The following MBNL3 variants were observed in gnomAD, a reference collection of about 807,000 sequenced individuals.
MBNL3 encodes muscleblind-like protein 3.
In MBNL3, 6 loss-of-function variants were observed where a neutral mutation model predicts 24.5. That is an observed-to-expected ratio of 0.25 (90% CI 0.13 to 0.48). The LOEUF (loss-of-function observed/expected upper bound fraction) is 0.48. MBNL3 is among the 20% of genes least tolerant of loss of function. The pLI is 0.99. For missense variants in MBNL3, 230 were observed against 293.5 expected, an observed-to-expected ratio of 0.78 and a Z score of 1.58; for synonymous variants, 100 against 101.7, an observed-to-expected ratio of 0.98 and a Z score of 0.10.
intron 3 of MBNL3, among the ~76,000 whole-genome samples, chrX:132,396,494 A>G (rs1603130676): frequency 1.4e-5 from 1 of 73,272 alleles, no homozygotes; most frequent in East Asian, 3.9e-4. Context: ...ATTCCTATAT[A>G]TATTCCTATA....
chrX:132,390,345 A>C (rs1471897322), intron 5 of MBNL3, among the ~76,000 whole-genome samples: 1 of 107,253 alleles, frequency 9.3e-6, no homozygotes, highest in Non-Finnish European at 1.9e-5. Context: ...CAGACTAAGC[A>C]GGCTGCTGTC....
At position 132,397,322 on chromosome X, in the gene MBNL3, A is replaced by G. The variant is rs141826001; in HGVS notation, c.343-4988T>C. On this transcript the variant is annotated intron_variant, in intron 3 of 8. Transcript: ENST00000370853. ...CAGTGACTTAACAGGTTATTTCTCA[A>G]GCTAGTATAAATAAATGAAAATTAA... Among the ~76,000 whole-genome samples, 815 of 111,025 alleles carry G rather than the reference A, an allele frequency of 7.3e-3. 28 individuals are homozygous for G. In the East Asian group the frequency reaches 0.097, roughly 13 times the overall value.
chrX:132,462,524 T>G (rs1248559182), intron 1 of MBNL3, among the ~76,000 whole-genome samples: 2 of 111,782 alleles, frequency 1.8e-5, no homozygotes, highest in Non-Finnish European at 3.8e-5. Flanking sequence ...AAAGCATAAG[T>G]TAGAATGAGT....
chrX:132,388,561 T>C (rs370467908), intron 5 of MBNL3, among the ~76,000 whole-genome samples: 2 of 111,891 alleles, frequency 1.8e-5, no homozygotes, highest in Admixed American at 9.5e-5. Flanking sequence ...GAAACCTAGA[T>C]GAACATTCAA....
intron 5 of MBNL3, among the ~76,000 whole-genome samples, chrX:132,388,975 T>G (rs1427808954): frequency 9.0e-6 from 1 of 111,553 alleles, no homozygotes; most frequent in East Asian, 2.8e-4. Flanking sequence ...AAAAGGGAAT[T>G]TTATATTGAT....
rs1406470075 is a variant in MBNL3, at chrX:132,370,213, A to G, written c.*9453T>C. The G allele has an allele frequency of 8.9e-6, 1 of 111,997 alleles. No homozygotes were observed. Among genetic ancestry groups the G allele is most frequent in the Non-Finnish European group, 1.9e-5 (1 of 53,235 alleles). The allele number at this position is 111,997 out of a possible 1,213,427, so 9.2% of individuals were successfully genotyped here. ...GTAGAAAATCAGAGAATGTGTGTCC[A>G]TCTGTTAAAGTTTAACAAATATAGG... On this transcript the variant is annotated 3_prime_UTR_variant, in exon 9 of 9. Coordinates refer to ENST00000370853, the MANE Select transcript of MBNL3 (RefSeq NM_001386889.1).
At chrX:132,474,066 G>A (rs1323137008) in intron 1 of MBNL3, among the ~76,000 whole-genome samples, 1 of 111,073 alleles carries the variant, frequency 9.0e-6, no homozygotes, top group East Asian at 2.8e-4. Context: ...TGGGAGAAAG[G>A]GGATGGTGAT....
At position 132,382,329 on chromosome X, in the gene MBNL3, A is replaced by G. The variant is rs894708483; in HGVS notation, c.959-57T>C. On this transcript the variant is annotated intron_variant, in intron 7 of 8. Coordinates refer to ENST00000370853, the MANE Select transcript of MBNL3 (RefSeq NM_001386889.1). Reference sequence around the variant, plus strand: ...GGGAGGGTAGAGGATTTATGCAACCATAACATTTACGATGGAATGAGGTGT... The same window carrying G: ...GGGAGGGTAGAGGATTTATGCAACCGTAACATTTACGATGGAATGAGGTGT... 13 of 974,879 alleles carry G rather than the reference A, an allele frequency of 1.3e-5. No individual in the cohort carries two copies. The African/African-American group carries it at 2.5e-4, about 18-fold the overall frequency. The allele number at this position is 974,879 out of a possible 1,213,427, so 80.3% of individuals were successfully genotyped here.
chrX:132,384,014 T>G (rs1935524588), intron 7 of MBNL3, among the ~76,000 whole-genome samples: 1 of 112,254 alleles, frequency 8.9e-6, no homozygotes, highest in African/African-American at 3.2e-5. Flanking sequence ...ATAAAATGGT[T>G]TAGAGATGGC....
At chrX:132,390,821 G>A (rs1162392766) in intron 5 of MBNL3, 26 bp downstream of exon 5, 1 of 1,142,986 alleles carries the variant, frequency 8.7e-7, no homozygotes, top group African/African-American at 1.8e-5. Flanking sequence ...CTCTGAAACA[G>A]GCCACAAGTG....
chrX:132,482,211 A>G (rs1233251415), intron 1 of MBNL3, among the ~76,000 whole-genome samples: 1 of 112,443 alleles, frequency 8.9e-6, no homozygotes, highest in Middle Eastern at 4.2e-3. Context: ...TCAAATAGCT[A>G]GAAGAGAGGA....
intron 1 of MBNL3, among the ~76,000 whole-genome samples, chrX:132,472,275 G>A (rs1947220722): frequency 8.9e-6 from 1 of 111,910 alleles, no homozygotes; most frequent in African/African-American, 3.3e-5. Flanking sequence ...GCTGCACCAG[G>A]AACTGGGGCT....
chrX:132,450,684 T>C (rs1946053250), intron 1 of MBNL3, among the ~76,000 whole-genome samples: 1 of 112,403 alleles, frequency 8.9e-6, no homozygotes, highest in South Asian at 3.7e-4. Context: ...TCAAACTCAT[T>C]CTTCGTCCAG....
chrX:132,429,247 G>A (rs747745605), intron 2 of MBNL3, among the ~76,000 whole-genome samples: 4 of 112,614 alleles, frequency 3.6e-5, no homozygotes, highest in Non-Finnish European at 7.5e-5. Context: ...TATTTCAGCT[G>A]ATCTATGACA....
intron 3 of MBNL3, among the ~76,000 whole-genome samples, chrX:132,398,262 G>C (rs1224220153): frequency 1.8e-5 from 2 of 111,112 alleles, no homozygotes; most frequent in South Asian, 3.8e-4. Flanking sequence ...AAATACAACA[G>C]CAGGCCAGGA....
intron 2 of MBNL3, chrX:132,438,016 G>T (rs898734590): frequency 5.7e-5 from 16 of 281,699 alleles, no homozygotes; most frequent in Admixed American, 2.8e-4. Flanking sequence ...AGTACTACAG[G>T]TTAAGCATCT....
chrX:132,435,993 T>A (rs1945095317), intron 2 of MBNL3, among the ~76,000 whole-genome samples: 1 of 112,429 alleles, frequency 8.9e-6, no homozygotes, highest in Non-Finnish European at 1.9e-5. Context: ...AACTTGGCTA[T>A]GAAAACAATC....
At chrX:132,487,558 G>A (rs892908963) in intron 1 of MBNL3, among the ~76,000 whole-genome samples, 2 of 112,184 alleles carry the variant, frequency 1.8e-5, no homozygotes, top group African/African-American at 3.2e-5. Context: ...GTAGCAGAGC[G>A]TCTGCCAACC....
At chrX:132,387,444 G>T (rs1236089444) in intron 5 of MBNL3, among the ~76,000 whole-genome samples, 1 of 110,490 alleles carries the variant, frequency 9.1e-6, no homozygotes, top group Non-Finnish European at 1.9e-5. Flanking sequence ...AATATCTCAG[G>T]GATACTCATC....
Sources: gnomAD v4.1 joint callset for allele counts (sites outside exome capture counted in the v4.1 genomes callset) on GRCh38, gnomAD v4.1.1 for gene constraint, MANE v1.5 for transcripts, NCBI Gene and HGNC (gene_info 2026-07-23, HGNC 2026-07-21) for gene names.